The following INPP5D variants were observed in gnomAD, a reference collection of about 807,000 sequenced individuals.
INPP5D encodes the protein inositol polyphosphate-5-phosphatase D, also known as phosphatidylinositol 3,4,5-trisphosphate 5-phosphatase 1.
A neutral mutation model predicts 122.9 loss-of-function variants in INPP5D; 33 were observed. The observed-to-expected ratio is 0.27, with a 90% CI of 0.20 to 0.36. The LOEUF (loss-of-function observed/expected upper bound fraction) is 0.36. Among genes scored for constraint, INPP5D ranks in the 10% least tolerant of loss-of-function variants. INPP5D has a pLI of 1.00. For synonymous variants in INPP5D, 584 were observed against 576.2 expected (o/e 1.01, Z -0.19); for missense variants, 1,053 against 1,412.7 (o/e 0.75, Z 4.08).
chr2:233,064,423 C>G lies in INPP5D; in HGVS notation c.134+3811C>G, dbSNP rs574339160. Among the ~76,000 whole-genome samples, 3 of 152,370 alleles carry G rather than the reference C, an allele frequency of 2.0e-5. No homozygotes were observed. In the South Asian group the frequency reaches 6.2e-4, roughly 32 times the overall value. On this transcript the variant is annotated intron_variant, in intron 1 of 26. Coordinates refer to ENST00000445964, the MANE Select transcript of INPP5D (RefSeq NM_001017915.3). Reference sequence around the variant, plus strand: ...CTTCCCAGGGGCAGTGTAGACAGTGCACCGGACAGACCTGGCTTCACCAGC... The same window carrying G: ...CTTCCCAGGGGCAGTGTAGACAGTGGACCGGACAGACCTGGCTTCACCAGC...
intron 6 of INPP5D, among the ~76,000 whole-genome samples, chr2:233,145,458 G>A (rs1693733642): frequency 6.6e-6 from 1 of 152,194 alleles, no homozygotes; most frequent in Non-Finnish European, 1.5e-5. Context: ...CATATTGGAA[G>A]GAGATGACTT....
rs931800167 is a variant in INPP5D, at chr2:233,206,815, C to T, written c.*107C>T. 5 of 712,030 alleles carry T rather than the reference C, an allele frequency of 7.0e-6. No individual in the cohort carries two copies. Among genetic ancestry groups the T allele is most frequent in the Non-Finnish European group, 1.3e-5 (5 of 381,304 alleles). 44.1% of individuals were successfully genotyped at this position (712,030 alleles called of 1,614,324 possible). On this transcript the variant is annotated 3_prime_UTR_variant, in exon 27 of 27. Coordinates refer to ENST00000445964, the MANE Select transcript of INPP5D (RefSeq NM_001017915.3). The surrounding 1 kb of genome is among the most constrained non-coding windows in gnomAD (Gnocchi z 4.0). Reference sequence around the variant, plus strand: ...GGCTCCTCCTGCCCAGCTTCCTATGCAAGGCTTTGTGTTTTCAGGAAAGGG... The same window carrying T: ...GGCTCCTCCTGCCCAGCTTCCTATGTAAGGCTTTGTGTTTTCAGGAAAGGG...
In INPP5D at chr2:233,197,972, G is replaced by A. The variant is rs1376355936; in HGVS notation, c.2694-123G>A. 2.2e-6 allele frequency: 3 copies of A among 1,352,020 alleles called. No individual in the cohort carries two copies. Among genetic ancestry groups the A allele is most frequent in the African/African-American group, 1.5e-5 (1 of 68,228 alleles). The allele number at this position is 1,352,020 out of a possible 1,614,324, so 83.8% of individuals were successfully genotyped here. A position where few individuals can be genotyped will look rare whatever the true frequency, so the allele number is the denominator to read the frequency against. ...TGAATGAATGGATCACTGCCCAAGAGGTGAAGGAGTTGAGGAGAGCTCGAG... is the reference window on the plus strand; with the variant it reads ...TGAATGAATGGATCACTGCCCAAGAAGTGAAGGAGTTGAGGAGAGCTCGAG... On this transcript the variant is annotated intron_variant, in intron 24 of 26. Transcript: ENST00000445964. This position sits in a 1 kb window ranked among gnomAD's most constrained non-coding sequence, Gnocchi z 4.4.
chr2:233,193,996 G>GC lies in INPP5D; in HGVS notation c.2596+41dup, dbSNP rs578144256. The GC allele has an allele frequency of 7.5e-4, 1,159 of 1,544,250 alleles. 7 individuals carry two copies. In the African/African-American group the frequency reaches 0.014, roughly 19 times the overall value. ...AAGCCCCTCCCCAGCGCCCTCTTCA[G>GC]CCCCCCACTTAGGGACGGGAACGTG... On this transcript the variant is annotated intron_variant, in intron 23 of 26. Transcript: ENST00000445964.
intron 1 of INPP5D, among the ~76,000 whole-genome samples, chr2:233,062,789 A>T (rs565034003): frequency 6.6e-6 from 1 of 152,262 alleles, no homozygotes; most frequent in Non-Finnish European, 1.5e-5. Flanking sequence ...GCTCCACTGT[A>T]GGCCGTGGGT....
At chr2:233,083,521 G>A (rs985023018) in intron 2 of INPP5D, among the ~76,000 whole-genome samples, 5 of 152,190 alleles carry the variant, frequency 3.3e-5, no homozygotes, top group Admixed American at 6.5e-5. Flanking sequence ...AAGGCAGAAC[G>A]GCTCAGCCCC....
chr2:233,065,942 G>T (rs1469912049), intron 1 of INPP5D, among the ~76,000 whole-genome samples: 1 of 132,608 alleles, frequency 7.5e-6, no homozygotes, highest in Non-Finnish European at 1.5e-5. Flanking sequence ...ACCGCACCTG[G>T]CCTTTTTTTA....
intron 20 of INPP5D, among the ~76,000 whole-genome samples, chr2:233,185,381 AATG>A (rs1218372668): frequency 6.6e-6 from 1 of 152,090 alleles, no homozygotes; most frequent in Non-Finnish European, 1.5e-5. Context: ...CGGTTCGAAA[AATG>A]ATGAGGATTT....
At chr2:233,129,787 G>A (rs1199204950) in intron 4 of INPP5D, among the ~76,000 whole-genome samples, 1 of 152,140 alleles carries the variant, frequency 6.6e-6, no homozygotes, top group East Asian at 1.9e-4. Flanking sequence ...GTTATCTCTA[G>A]ATCCCATCAT....
At chr2:233,161,098 CT>C (rs1226247350) in intron 10 of INPP5D, among the ~76,000 whole-genome samples, 24 of 147,564 alleles carry the variant, frequency 1.6e-4, no homozygotes, top group Non-Finnish European at 2.1e-4. Flanking sequence ...GTCTAGAATA[CT>C]TTTTTTTTTT....
chr2:233,193,983 A>C (rs750167639), intron 23 of INPP5D, 22 bp downstream of exon 23: 1 of 1,567,966 alleles, frequency 6.4e-7, no homozygotes, highest in East Asian at 2.3e-5. Context: ...GCCCCTCCCC[A>C]GCGCCCTCTT....
Position 233,100,998 on chromosome 2 carries a change from A to G in INPP5D, c.199-21109A>G, listed in dbSNP as rs1199001322. Among the ~76,000 whole-genome samples, 1 of 148,718 alleles carries G rather than the reference A, an allele frequency of 6.7e-6. No individual in the cohort carries two copies. The highest frequency in any genetic ancestry group is 2.5e-5 in the African/African-American group (1 of 39,486). ...GTGTGCCCCCAACGAGTCATTCACCATCTTGTGCTAACTGCATTTCTTCCT... is the reference window on the plus strand; with the variant it reads ...GTGTGCCCCCAACGAGTCATTCACCGTCTTGTGCTAACTGCATTTCTTCCT... On this transcript the variant is annotated intron_variant, in intron 2 of 26. Coordinates refer to ENST00000445964, the MANE Select transcript of INPP5D (RefSeq NM_001017915.3). This position sits in a 1 kb window ranked among gnomAD's most constrained non-coding sequence, Gnocchi z 5.3.
chr2:233,066,632 A>C (rs1458464134), intron 1 of INPP5D, among the ~76,000 whole-genome samples: 3 of 151,050 alleles, frequency 2.0e-5, no homozygotes, highest in Admixed American at 2.0e-4. Context: ...TTTCCAAGAC[A>C]GTCTTGCTCT....
intron 13 of INPP5D, among the ~76,000 whole-genome samples, chr2:233,165,685 T>C (rs1216972443): frequency 1.3e-5 from 2 of 152,148 alleles, no homozygotes; most frequent in Non-Finnish European, 2.9e-5. Context: ...TATGTGAGTC[T>C]ATGTATGTGA....
In INPP5D at chr2:233,204,655, C is replaced by T. The variant is rs9247; in HGVS notation, c.3505C>T (p.His1169Tyr). The change falls in exon 26 of 27, where the codon CAT becomes TAT. Residue 1169 changes from histidine (H) to tyrosine (Y), a missense_variant. By Grantham distance (83) the His-to-Tyr change is moderately conservative. Around this residue, in one of 6 missense-constraint regions of INPP5D, gnomAD observed 417 missense variants for 425.8 expected, o/e 0.98. Coordinates refer to ENST00000445964, the MANE Select transcript of INPP5D (RefSeq NM_001017915.3). ...CTACCGCGACAACACCGAGCTCCCG[C>T]ATCACGGCAAGCACCGGCCGGAGGA... ...RDYRDNTELP[H>Y]HGKHRPEEGP... is the part of the protein sequence containing the mutation. The T allele has an allele frequency of 0.2, 313,369 of 1,580,134 alleles. 32,172 individuals are homozygous for T. Among genetic ancestry groups the T allele is most frequent in the East Asian group, 0.33 (14,514 of 43,334 alleles).
At chr2:233,158,732 G>C (rs1180649405) in intron 10 of INPP5D, among the ~76,000 whole-genome samples, 1 of 151,866 alleles carries the variant, frequency 6.6e-6, no homozygotes, top group Non-Finnish European at 1.5e-5. Context: ...CAGCTTCTCT[G>C]GGCTGGACTT....
At chr2:233,143,425 G>A (rs1039790082) in intron 6 of INPP5D, among the ~76,000 whole-genome samples, 282 of 152,254 alleles carry the variant, frequency 1.9e-3, no homozygotes, top group Admixed American at 3.7e-3. Flanking sequence ...GTTCTCTACT[G>A]TGAAAAGGAG....
chr2:233,144,358 G>T (rs1476923225), intron 6 of INPP5D, among the ~76,000 whole-genome samples: 1 of 151,436 alleles, frequency 6.6e-6, no homozygotes, highest in Non-Finnish European at 1.5e-5. Flanking sequence ...TGGTGGTGGT[G>T]ATGGTGAGGG....
rs1434104382 is a variant in INPP5D at position 233,204,667 on chromosome 2, C to A, written c.3517C>A (p.His1173Asn). ...CACCGAGCTCCCGCATCACGGCAAG[C>A]ACCGGCCGGAGGAGGGGCCACCAGG... ...DNTELPHHGK[H>N]RPEEGPPGPL... The change falls in exon 26 of 27, where the codon CAC becomes AAC. Residue 1173 changes from histidine to asparagine, a missense_variant. His to Asn is a moderately conservative substitution (Grantham distance 68, BLOSUM62 1). Coordinates refer to ENST00000445964, the MANE Select transcript of INPP5D (RefSeq NM_001017915.3). The A allele has an allele frequency of 1.3e-6, 2 of 1,575,630 alleles. No individual in the cohort carries two copies. The highest frequency in any genetic ancestry group is 1.7e-6 in the Non-Finnish European group (2 of 1,162,128).
Sources: allele counts gnomAD v4.1 joint callset (sites outside exome capture counted in the v4.1 genomes callset), GRCh38; gene constraint gnomAD v4.1.1; regional missense constraint gnomAD v4.1.1; non-coding constraint Gnocchi (gnomAD v3.1); transcripts MANE v1.5; gene names NCBI Gene and HGNC (gene_info 2026-07-23, HGNC 2026-07-21).